Variants in SLC26A3 observed in about 807,000 individuals in gnomAD.
SLC26A3 encodes the protein solute carrier family 26 member 3, also known as chloride anion exchanger.
A neutral mutation model predicts 85.6 loss-of-function variants in SLC26A3; 64 were observed. The observed-to-expected ratio is 0.75, with a 90% CI of 0.61 to 0.92. SLC26A3 has a LOEUF of 0.92. Among genes scored for constraint, SLC26A3 ranks in the 40% least tolerant of loss-of-function variants. The probability of loss-of-function intolerance (pLI) is 0.00; values close to 1 mark genes in which losing one functional copy is unlikely to be tolerated. For missense variants in SLC26A3, 922 were observed against 927.3 expected, an observed-to-expected ratio of 0.99 and a Z score of 0.07; for synonymous variants, 349 against 336.0, an observed-to-expected ratio of 1.04 and a Z score of -0.42.
intron 13 of SLC26A3, 115 bp from the exon 14 acceptor site, chr7:107,776,821 T>C: frequency 2.1e-6 from 2 of 932,216 alleles, no homozygotes; most frequent in Middle Eastern, 3.2e-4. Context: ...ATGTAAAAGG[T>C]TGGGGAATCA....
chr7:107,792,265 T>G (rs559153696), intron 3 of SLC26A3, among the ~76,000 whole-genome samples: 4 of 152,290 alleles, frequency 2.6e-5, no homozygotes, highest in Non-Finnish European at 5.9e-5. Flanking sequence ...GAGATGGTTT[T>G]GGGATGACTC....
At chr7:107,793,485 C>G (rs1256644024) in intron 3 of SLC26A3, among the ~76,000 whole-genome samples, 1 of 152,014 alleles carries the variant, frequency 6.6e-6, no homozygotes, top group African/African-American at 2.4e-5. Flanking sequence ...GTGAAAGAAA[C>G]CAGACACAAA....
At chr7:107,793,902 A>G in intron 2 of SLC26A3, 21 bp from the exon 3 acceptor site, 2 of 1,613,998 alleles carry the variant, frequency 1.2e-6, no homozygotes, top group Non-Finnish European at 1.7e-6. Context: ...GGAAAGCCAC[A>G]GGTCAGTCAA....
intron 20 of SLC26A3, among the ~76,000 whole-genome samples, chr7:107,766,696 G>C (rs1364709800): frequency 1.3e-5 from 2 of 152,108 alleles, no homozygotes; most frequent in East Asian, 3.9e-4. Context: ...TGCCTGCCAT[G>C]CTTGAAGACA....
At chr7:107,790,484 C>G (rs1251272158) in intron 5 of SLC26A3, among the ~76,000 whole-genome samples, 3 of 152,140 alleles carry the variant, frequency 2.0e-5, no homozygotes, top group Admixed American at 6.5e-5. Context: ...TATCCATAAA[C>G]TTAGGCAACA....
rs1177838503 is a variant in SLC26A3, at chr7:107,772,165, A to G, written c.2008-57T>C. On this transcript the variant is annotated intron_variant, in intron 17 of 20. Coordinates refer to ENST00000340010, the MANE Select transcript of SLC26A3 (RefSeq NM_000111.3). ...GAACAGTTTCACTTGTCAGAAATAT[A>G]AAGAAAACAATCAGAATTATACCTT... 10 of 1,001,810 alleles carry G rather than the reference A, an allele frequency of 1.0e-5. No homozygotes were observed. The Admixed American group carries it at 1.2e-4, about 12-fold the overall frequency. The allele number at this position is 1,001,810 out of a possible 1,614,324, so 62.1% of individuals were successfully genotyped here.
chr7:107,787,053 G>A lies in SLC26A3; in HGVS notation c.889-144C>T, dbSNP rs906195137. 42 of 797,330 alleles carry A rather than the reference G, an allele frequency of 5.3e-5. No homozygotes were observed. In the African/African-American group the frequency reaches 6.0e-4, roughly 11 times the overall value. 49.4% of individuals were successfully genotyped at this position (797,330 alleles called of 1,614,324 possible). A position where few individuals can be genotyped will look rare whatever the true frequency, so the allele number is the denominator to read the frequency against. The stretch of plus-strand genomic sequence containing the variant: ...GGCTTTGTTACTTTTTAAGAAATTC[G>A]GAGGCAATTCTAACATGCCGCCAGG... On this transcript the variant is annotated intron_variant, in intron 7 of 20. Coordinates refer to ENST00000340010, the MANE Select transcript of SLC26A3 (RefSeq NM_000111.3).
intron 1 of SLC26A3, among the ~76,000 whole-genome samples, chr7:107,798,535 T>A (rs1043478179): frequency 6.6e-6 from 1 of 152,160 alleles, no homozygotes; most frequent in Non-Finnish European, 1.5e-5. Context: ...CCCTTTTTGC[T>A]GGGAAACAAC....
intron 18 of SLC26A3, among the ~76,000 whole-genome samples, chr7:107,769,353 A>G (rs966936876): frequency 1.3e-5 from 2 of 152,238 alleles, no homozygotes; most frequent in African/African-American, 4.8e-5. Context: ...CTGGATAAAG[A>G]AAATGTGGTA....
intron 1 of SLC26A3, among the ~76,000 whole-genome samples, chr7:107,798,991 C>T (rs979262837): frequency 3.9e-5 from 6 of 152,062 alleles, no homozygotes; most frequent in African/African-American, 7.2e-5. Context: ...GGATCTCCAT[C>T]GGCAGCCAGA....
At chr7:107,776,068 T>C (rs575627626) in intron 15 of SLC26A3, 6 of 315,656 alleles carry the variant, frequency 1.9e-5, no homozygotes, top group African/African-American at 1.1e-4. Context: ...ACAACTGTTA[T>C]ACTGAATCTC....
chr7:107,801,987 G>A (rs1465966539), intron 1 of SLC26A3, among the ~76,000 whole-genome samples: 1 of 151,694 alleles, frequency 6.6e-6, no homozygotes, highest in Non-Finnish European at 1.5e-5. Flanking sequence ...AGCTACTTGG[G>A]GGGCTGAGGC....
intron 1 of SLC26A3, among the ~76,000 whole-genome samples, chr7:107,802,093 GAAA>G (rs55666944): frequency 3.1e-5 from 3 of 96,838 alleles, no homozygotes; most frequent in African/African-American, 8.5e-5. Flanking sequence ...ATCCGTCTCA[GAAA>G]AAAAAAAAAA....
chr7:107,777,472 C>T (rs1794136414), intron 13 of SLC26A3, among the ~76,000 whole-genome samples: 2 of 152,062 alleles, frequency 1.3e-5, no homozygotes, highest in African/African-American at 4.8e-5. Context: ...CACCTATAGT[C>T]CCAGCTACTT....
At position 107,791,894 on chromosome 7, in the gene SLC26A3, C is replaced by CA. The variant is rs747227831; in HGVS notation, c.317dup (p.Leu106PhefsTer56). 6.2e-7 allele frequency: 1 copy of CA among 1,613,872 alleles called. No individual in the cohort carries two copies. The highest frequency in any genetic ancestry group is 1.3e-5 in the African/African-American group (1 of 75,040). ...TTATGGCTGGGAAAAAGGATGCATA[C>CA]AACCCATAGACTGGGGGAATGTCGA... On this transcript the variant is annotated frameshift_variant, in exon 4 of 21. Coordinates refer to ENST00000340010, the MANE Select transcript of SLC26A3 (RefSeq NM_000111.3). LOFTEE classifies it high-confidence loss of function.
rs1262954190 is a variant in SLC26A3, at chr7:107,767,812, A to G, written c.2159T>C (p.Ile720Thr). ...FLTIHDAVLH[I>T]LMKKDYSTSK... is the part of the protein sequence containing the mutation. ...AGTACTGTAATCTTTCTTCATCAAA[A>G]TATGCAAAACAGCATCATGGATTGT... The change falls in exon 19 of 21, where the codon ATT becomes ACT. Residue 720 changes from isoleucine to threonine, a missense_variant. Physicochemically the swap from Ile to Thr is moderately conservative, Grantham distance 89 (BLOSUM62 -1). Transcript: ENST00000340010. 3.7e-6 allele frequency: 6 copies of G among 1,613,754 alleles called. No individual in the cohort carries two copies. The Admixed American group carries it at 6.7e-5, about 18-fold the overall frequency.
At position 107,776,561 on chromosome 7, in the gene SLC26A3, C is replaced by T. The variant is rs775068379; in HGVS notation, c.1585-17G>A. ...CTCATACATCTGTAAGGCAGAGAAG[C>T]ATTGTTAGGTGTTGCCCATTAGATC... On this transcript the variant is annotated splice_polypyrimidine_tract_variant and intron_variant, in intron 14 of 20. Transcript: ENST00000340010. The T allele has an allele frequency of 1.2e-6, 2 of 1,611,466 alleles. No homozygotes were observed. The highest frequency in any genetic ancestry group is 1.1e-5 in the South Asian group (1 of 91,022).
chr7:107,801,042 G>A lies in SLC26A3; in HGVS notation c.-89+2069C>T, dbSNP rs139317838. On this transcript the variant is annotated intron_variant, in intron 1 of 20. Coordinates refer to ENST00000340010, the MANE Select transcript of SLC26A3 (RefSeq NM_000111.3). ...CCCAGTAGGCTCACAGCAGGCAAAAGAGAATCCCTGGCCATTTCTGTAAGG... is the reference window on the plus strand; with the variant it reads ...CCCAGTAGGCTCACAGCAGGCAAAAAAGAATCCCTGGCCATTTCTGTAAGG... 4.1e-3 allele frequency among the ~76,000 whole-genome samples: 617 copies of A among 152,332 alleles called. 4 individuals carry two copies. The highest frequency in any genetic ancestry group is 0.014 in the African/African-American group (573 of 41,576).
At chr7:107,794,179 C>T (rs890799594) in intron 2 of SLC26A3, among the ~76,000 whole-genome samples, 200 bp downstream of exon 2, 3 of 152,052 alleles carry the variant, frequency 2.0e-5, no homozygotes, top group South Asian at 2.1e-4. Context: ...TTGGAAAGAC[C>T]GTGTTGATAA....
Sources: allele counts gnomAD v4.1 joint callset (sites outside exome capture counted in the v4.1 genomes callset), GRCh38; gene constraint gnomAD v4.1.1; transcripts MANE v1.5; gene names NCBI Gene and HGNC (gene_info 2026-07-23, HGNC 2026-07-21).